CCDC136: variants seen among roughly 807,000 people sequenced by gnomAD.
CCDC136 encodes the protein coiled-coil domain containing 136, also known as coiled-coil domain-containing protein 136.
Under a neutral mutation model 141.2 loss-of-function variants are expected in CCDC136, and 100 were observed. The ratio of observed to expected loss-of-function variants is 0.71; its 90% confidence interval spans 0.60 to 0.84. CCDC136 has a LOEUF of 0.84. CCDC136 is among the 40% of genes least tolerant of loss of function. The probability of loss-of-function intolerance (pLI) is 0.00; values close to 1 mark genes in which losing one functional copy is unlikely to be tolerated. For missense variants in CCDC136, 1,206 were observed against 1,379.4 expected, an observed-to-expected ratio of 0.87 and a Z score of 1.99; for synonymous variants, 474 against 531.9, an observed-to-expected ratio of 0.89 and a Z score of 1.50.
intron 4 of CCDC136, among the ~76,000 whole-genome samples, chr7:128,802,793 C>CT (rs1041808434): frequency 1.3e-5 from 2 of 152,108 alleles, no homozygotes; most frequent in African/African-American, 4.8e-5. Context: ...ACCTTTGCAA[C>CT]TTTTTTGTAA....
rs2128909700 is a variant in CCDC136 at position 128,805,683 on chromosome 7, A to G, written c.949-78A>G. On this transcript the variant is annotated intron_variant, in intron 6 of 17. Coordinates refer to ENST00000297788, the MANE Select transcript of CCDC136 (RefSeq NM_022742.5). The surrounding 1 kb of genome is among the most constrained non-coding windows in gnomAD (Gnocchi z 4.6). Reference sequence around the variant, plus strand: ...GTAAATCTTCCAGTCAAAGAGCGCCATGCTTTCCCCAAGCTTGTTCTTGGA... The same window carrying G: ...GTAAATCTTCCAGTCAAAGAGCGCCGTGCTTTCCCCAAGCTTGTTCTTGGA... 2 of 1,588,276 alleles carry G rather than the reference A, an allele frequency of 1.3e-6. No homozygotes were observed. Among genetic ancestry groups the G allele is most frequent in the South Asian group, 1.1e-5 (1 of 87,666 alleles).
intron 10 of CCDC136, chr7:128,808,450 C>A: frequency 1.0e-6 from 1 of 981,394 alleles, no homozygotes; most frequent in Non-Finnish European, 1.2e-6. Context: ...AGGCCTTATT[C>A]ATTTTTTTTC....
chr7:128,806,057 A>C (rs573310831), intron 7 of CCDC136, among the ~76,000 whole-genome samples, 156 bp downstream of exon 7: 2 of 152,348 alleles, frequency 1.3e-5, no homozygotes, highest in Admixed American at 6.5e-5. Flanking sequence ...TAGAAGTCAT[A>C]TAGCACTGCA....
chr7:128,813,545 G>A (rs2128920962), intron 14 of CCDC136, among the ~76,000 whole-genome samples: 1 of 152,348 alleles, frequency 6.6e-6, no homozygotes, highest in African/African-American at 2.4e-5. Flanking sequence ...CAAAACCCGA[G>A]ATCAGGGAGC....
intron 12 of CCDC136, among the ~76,000 whole-genome samples, chr7:128,811,562 C>T (rs1019920341): frequency 3.3e-5 from 5 of 152,094 alleles, no homozygotes; most frequent in East Asian, 1.9e-4. Context: ...AGAAACCAGC[C>T]GAAATGGGAG....
chr7:128,807,714 A>T (rs1254846149), intron 10 of CCDC136, 169 bp downstream of exon 10: 1 of 435,318 alleles, frequency 2.3e-6, no homozygotes, highest in East Asian at 3.6e-5. Flanking sequence ...CCTGACCTTG[A>T]CTTTGAGCCA....
chr7:128,814,795 T>C lies in CCDC136; in HGVS notation c.2921T>C (p.Val974Ala), dbSNP rs761201275. The C allele has an allele frequency of 5.6e-6, 9 of 1,612,794 alleles. No individual in the cohort carries two copies. In the South Asian group the frequency reaches 9.9e-5, roughly 18 times the overall value. Residue 974 changes from valine (V) to alanine (A), a missense_variant, in exon 15 of 18, where the codon GTT (valine) becomes GCT (alanine). Coordinates refer to ENST00000297788, the MANE Select transcript of CCDC136 (RefSeq NM_022742.5). ...CAGCTCAGGGAGAAGAGGCCTTCTG[T>C]TGTCAAAGAAGCCCGGGGGAAGAAT... ...LRQLREKRPS[V>A]VKEARGKNAN...
intron 1 of CCDC136, among the ~76,000 whole-genome samples, chr7:128,792,882 T>A (rs1802396191): frequency 6.6e-6 from 1 of 152,234 alleles, no homozygotes; most frequent in African/African-American, 2.4e-5. Context: ...CCTTATTGCC[T>A]GAAAGAGAGA....
At chr7:128,807,600 G>T in intron 10 of CCDC136, 55 bp downstream of exon 10, 1 of 1,257,052 alleles carries the variant, frequency 8.0e-7, no homozygotes, top group Non-Finnish European at 1.0e-6. Context: ...AGAGAGAAGA[G>T]GTACAGAGGC....
chr7:128,810,194 A>G lies in CCDC136; in HGVS notation c.1856A>G (p.Gln619Arg). 6.2e-7 allele frequency: 1 copy of G among 1,609,342 alleles called. No homozygotes were observed. ...EDLCELQLLY[Q>R]GMQEEQKKLI... is the part of the protein sequence containing the mutation. ...CTGTGTGAGCTGCAGCTGCTCTACCAAGGCATGCAGGAGGAACAGAAGAAG... is the reference window on the plus strand; with the variant it reads ...CTGTGTGAGCTGCAGCTGCTCTACCGAGGCATGCAGGAGGAACAGAAGAAG... Residue 619 changes from glutamine (Q) to arginine (R), a missense_variant, in exon 12 of 18, where the codon CAA becomes CGA. Transcript: ENST00000297788.
Position 128,796,743 on chromosome 7 carries a change from T to TATATATATATATATATATA in CCDC136, c.346+1975_346+1976insATATATATATATATATATA, listed in dbSNP as rs1282909541. Among the ~76,000 whole-genome samples, 7 of 99,484 alleles carry TATATATATATATATATATA rather than the reference T, an allele frequency of 7.0e-5. No individual in the cohort carries two copies. In the East Asian group the frequency reaches 9.2e-4, roughly 13 times the overall value. 65.3% of individuals were successfully genotyped at this position (99,484 alleles called of 152,430 possible). A position where few individuals can be genotyped will look rare whatever the true frequency, so the allele number is the denominator to read the frequency against. The stretch of plus-strand genomic sequence containing the variant: ...TCAGAATATATATATATATATATTC[T>TATATATATATATATATATA]TTTTTTTTTTTTTTTTGAGACGGAG... On this transcript the variant is annotated intron_variant, in intron 3 of 17. Transcript: ENST00000297788.
Position 128,809,637 on chromosome 7 carries a change from T to TA in CCDC136, c.1794dup (p.Leu599ThrfsTer15). The TA allele has an allele frequency of 6.6e-7, 1 of 1,524,088 alleles. No individual in the cohort carries two copies. The highest frequency in any genetic ancestry group is 8.8e-7 in the Non-Finnish European group (1 of 1,133,428). The allele number at this position is 1,524,088 out of a possible 1,614,324, so 94.4% of individuals were successfully genotyped here. On this transcript the variant is annotated frameshift_variant, in exon 11 of 18. Transcript: ENST00000297788. LOFTEE classifies it high-confidence loss of function. Reference sequence around the variant, plus strand: ...CTGCCACTGCCAAAGAGTGGCCTCTTACTCAAGGTAACTCTGCCACAGGCA... The same window carrying TA: ...CTGCCACTGCCAAAGAGTGGCCTCTTAACTCAAGGTAACTCTGCCACAGGCA...
intron 10 of CCDC136, chr7:128,808,759 G>A (rs1805249410): frequency 3.0e-6 from 3 of 985,300 alleles, no homozygotes; most frequent in Non-Finnish European, 3.6e-6. Flanking sequence ...CAATTTAGGA[G>A]CCCAGGTGAT....
chr7:128,804,755 G>A lies in CCDC136; in HGVS notation c.776G>A (p.Ser259Asn), dbSNP rs779840475. 4 of 1,584,528 alleles carry A rather than the reference G, an allele frequency of 2.5e-6. No homozygotes were observed. Among genetic ancestry groups the A allele is most frequent in the Non-Finnish European group, 2.6e-6 (3 of 1,161,934 alleles). Reference protein sequence around the residue: ...SLTGQLADLESERTQRATERW... With the variant: ...SLTGQLADLENERTQRATERW... ...ACGGGGCAGCTTGCAGATCTGGAGA[G>A]TGAGAGGTACAGCTGTCTCTGGAGA... The change falls in exon 5 of 18, where the codon AGT becomes AAT. Residue 259 changes from serine to asparagine, a missense_variant. By Grantham distance (46) the Ser-to-Asn change is conservative (BLOSUM62 1). Coordinates refer to ENST00000297788, the MANE Select transcript of CCDC136 (RefSeq NM_022742.5).
chr7:128,816,581 G>A (rs1412239352), intron 16 of CCDC136, among the ~76,000 whole-genome samples: 1 of 152,184 alleles, frequency 6.6e-6, no homozygotes, highest in Non-Finnish European at 1.5e-5. Context: ...CTAGATCATT[G>A]AGAGGTTGGG....
intron 3 of CCDC136, among the ~76,000 whole-genome samples, chr7:128,800,621 C>A (rs961656674): frequency 6.6e-6 from 1 of 152,128 alleles, no homozygotes; most frequent in African/African-American, 2.4e-5. Flanking sequence ...AATCCCTTAT[C>A]GACTGACACT....
chr7:128,812,083 G>A lies in CCDC136; in HGVS notation c.2312G>A (p.Ser771Asn), dbSNP rs781227450. 4 of 1,614,010 alleles carry A rather than the reference G, an allele frequency of 2.5e-6. No homozygotes were observed. The East Asian group carries it at 6.7e-5, about 27-fold the overall frequency. Residue 771 changes from serine to asparagine, a missense_variant, in exon 13 of 18, where the codon AGC becomes AAC. Transcript: ENST00000297788. ...GATACCACTGTGGATGACAATGAGA[G>A]CTATTACAAGAGTTACACCAGCACC... is the stretch of plus-strand genomic sequence containing the variant. ...TYDTTVDDNE[S>N]YYKSYTSTQT... is the part of the protein sequence containing the mutation.
Position 128,811,937 on chromosome 7 carries a change from C to G in CCDC136, c.2166C>G (p.Leu722=), listed in dbSNP as rs1263089832. 6.2e-7 allele frequency: 1 copy of G among 1,613,946 alleles called. No homozygotes were observed. The highest frequency in any genetic ancestry group is 1.7e-5 in the Admixed American group (1 of 60,024). Reference sequence around the variant, plus strand: ...AGAGGCTGCAGGCAGACTTGCAGCTCTGCCTGGAAGAAATGCAGCTGCTTC... The same window carrying G: ...AGAGGCTGCAGGCAGACTTGCAGCTGTGCCTGGAAGAAATGCAGCTGCTTC... ...ERKRLQADLQ[L]CLEEMQLLQV... Residue 722 remains leucine (L), a synonymous_variant, in exon 13 of 18, where the codon CTC becomes CTG. Coordinates refer to ENST00000297788, the MANE Select transcript of CCDC136 (RefSeq NM_022742.5).
Position 128,811,990 on chromosome 7 carries a change from G to T in CCDC136, c.2219G>T (p.Ser740Ile). The change falls in exon 13 of 18, where the codon AGC becomes ATC. Residue 740 changes from serine to isoleucine, a missense_variant. Transcript: ENST00000297788. ...GTCCAGTCCCCTTCTATAAAAATGA[G>T]CCTTGAGTCCTACGGGAAGAGCTAT... Reference protein sequence around the residue: ...LQVQSPSIKMSLESYGKSYGS... With the variant: ...LQVQSPSIKMILESYGKSYGS... 6.2e-7 allele frequency: 1 copy of T among 1,614,010 alleles called. No homozygotes were observed. Among genetic ancestry groups the T allele is most frequent in the Non-Finnish European group, 8.5e-7 (1 of 1,179,880 alleles).
Sources: gnomAD v4.1 joint callset for allele counts (sites outside exome capture counted in the v4.1 genomes callset) on GRCh38, gnomAD v4.1.1 for gene constraint, Gnocchi (gnomAD v3.1) non-coding constraint, MANE v1.5 for transcripts, NCBI Gene and HGNC (gene_info 2026-07-23, HGNC 2026-07-21) for gene names.